Variants in FAM241A observed in about 807,000 individuals in gnomAD.
FAM241A encodes the protein uncharacterized protein FAM241A.
FAM241A carries 7 observed loss-of-function variants against 12.2 expected under a neutral mutation model. The observed-to-expected ratio is 0.58, with a 90% CI of 0.33 to 1.08. The LOEUF (loss-of-function observed/expected upper bound fraction) is 1.08, where lower values mean the gene tolerates loss of function less well. Among genes scored for constraint, FAM241A ranks in the 50% least tolerant of loss-of-function variants. The pLI is 0.04. For synonymous variants in FAM241A, 74 were observed against 68.2 expected (o/e 1.08, Z -0.42); for missense variants, 161 against 169.7 (o/e 0.95, Z 0.29).
chr4:112,181,736 C>T (rs528342109), intron 1 of FAM241A, among the ~76,000 whole-genome samples: 6 of 152,284 alleles, frequency 3.9e-5, no homozygotes, highest in African/African-American at 9.6e-5. Context: ...ATCCCTGTGG[C>T]GAGCAAGAGC....
intron 1 of FAM241A, among the ~76,000 whole-genome samples, chr4:112,160,801 A>G (rs2110424220): frequency 6.6e-6 from 1 of 152,298 alleles, no homozygotes; most frequent in African/African-American, 2.4e-5. Flanking sequence ...AATATACACT[A>G]GGGAAAAGAC....
rs548775542 is a variant in FAM241A at position 112,180,016 on chromosome 4, G to A, written c.154-6677G>A. Among the ~76,000 whole-genome samples the A allele has an allele frequency of 0.02, 227 of 11,086 alleles. 1 individual carries two copies. The African/African-American group carries it at 0.21, about 10-fold the overall frequency. The allele number at this position is 11,086 out of a possible 152,430, so 7.3% of individuals were successfully genotyped here. A position where few individuals can be genotyped will look rare whatever the true frequency, so the allele number is the denominator to read the frequency against. ...TATATATATTATGTAATACTGCACAGCCCTAAAAAAAAAACAGTCATATCC... is the reference window on the plus strand; with the variant it reads ...TATATATATTATGTAATACTGCACAACCCTAAAAAAAAAACAGTCATATCC... On this transcript the variant is annotated intron_variant, in intron 1 of 1. Transcript: ENST00000309733.
chr4:112,153,529 G>A (rs1266939008), intron 1 of FAM241A, among the ~76,000 whole-genome samples: 1 of 152,180 alleles, frequency 6.6e-6, no homozygotes, highest in Non-Finnish European at 1.5e-5. Flanking sequence ...GTGTTTATGT[G>A]TGTTTGAGAG....
chr4:112,177,922 T>C (rs1052679551), intron 1 of FAM241A, among the ~76,000 whole-genome samples: 1 of 152,160 alleles, frequency 6.6e-6, no homozygotes, highest in Non-Finnish European at 1.5e-5. Flanking sequence ...TACATTTAAG[T>C]TTTCTTTGTT....
intron 1 of FAM241A, chr4:112,171,436 A>G: frequency 1.3e-6 from 1 of 775,376 alleles, no homozygotes; most frequent in Non-Finnish European, 2.4e-6. Flanking sequence ...TGTTGAGCCA[A>G]CTGCAGATCT....
chr4:112,153,863 T>G lies in FAM241A; in HGVS notation c.153+8130T>G, dbSNP rs1578369721. The stretch of plus-strand genomic sequence containing the variant: ...AAAATTATCATTAATACTTAATATC[T>G]AAACATAATGTTAAGAAAGTTAAAT... On this transcript the variant is annotated intron_variant, in intron 1 of 1. Transcript: ENST00000309733. 2.0e-5 allele frequency among the ~76,000 whole-genome samples: 3 copies of G among 152,402 alleles called. No individual in the cohort carries two copies. In the East Asian group the frequency reaches 5.8e-4, roughly 29 times the overall value.
intron 1 of FAM241A, among the ~76,000 whole-genome samples, chr4:112,147,131 A>G (rs1249731026): frequency 1.3e-5 from 2 of 152,272 alleles, no homozygotes; most frequent in Non-Finnish European, 2.9e-5. Context: ...CTTCATTAGT[A>G]TGATTATGTA....
chr4:112,148,622 G>GT (rs964428266), intron 1 of FAM241A, among the ~76,000 whole-genome samples: 5 of 152,144 alleles, frequency 3.3e-5, no homozygotes, highest in African/African-American at 1.2e-4. Flanking sequence ...ATAGGATCAG[G>GT]TGTCTAAAGA....
chr4:112,150,048 A>G (rs1294651998), intron 1 of FAM241A, among the ~76,000 whole-genome samples: 3 of 151,996 alleles, frequency 2.0e-5, no homozygotes, highest in Admixed American at 6.5e-5. Context: ...TAATCTTACA[A>G]TCAGTTAAAT....
intron 1 of FAM241A, among the ~76,000 whole-genome samples, chr4:112,161,728 G>A (rs1215584815): frequency 6.6e-6 from 1 of 152,126 alleles, no homozygotes; most frequent in African/African-American, 2.4e-5. Flanking sequence ...TCTACCAGAG[G>A]TACAAAGAGG....
chr4:112,151,399 CTCT>C (rs1578368984), intron 1 of FAM241A, among the ~76,000 whole-genome samples: 1 of 152,284 alleles, frequency 6.6e-6, no homozygotes, highest in Admixed American at 6.5e-5. Flanking sequence ...AAATAAACCT[CTCT>C]TCTTTATAAA....
At chr4:112,146,048 C>T (rs1408733375) in intron 1 of FAM241A, among the ~76,000 whole-genome samples, 1 of 152,178 alleles carries the variant, frequency 6.6e-6, no homozygotes, top group African/African-American at 2.4e-5. Context: ...GAAATGCCCT[C>T]CATAGCGGTG....
rs942257425 is a variant in FAM241A at position 112,187,718 on chromosome 4, T to C, written c.*780T>C. Reference sequence around the variant, plus strand: ...CACCCTATGGTAATGCCATATTTTCTTGTATCTAACAAGTTGCATATTTTT... The same window carrying C: ...CACCCTATGGTAATGCCATATTTTCCTGTATCTAACAAGTTGCATATTTTT... On this transcript the variant is annotated 3_prime_UTR_variant, in exon 2 of 2. Transcript: ENST00000309733. The C allele has an allele frequency of 1.3e-5, 2 of 152,588 alleles. No individual in the cohort carries two copies. Among genetic ancestry groups the C allele is most frequent in the African/African-American group, 4.8e-5 (2 of 41,462 alleles). The allele number at this position is 152,588 out of a possible 1,614,324, so 9.5% of individuals were successfully genotyped here.
chr4:112,145,558 G>A lies in FAM241A; in HGVS notation c.-23G>A. On this transcript the variant is annotated 5_prime_UTR_variant, in exon 1 of 2. Transcript: ENST00000309733. ...GGCGTGGTCCTCCGGCGGCTGTCCG[G>A]GGCGGTAGGAGTTGGCTGCGGGATG... 8.0e-7 allele frequency: 1 copy of A among 1,244,682 alleles called. No homozygotes were observed. The highest frequency in any genetic ancestry group is 1.5e-5 in the African/African-American group (1 of 64,916). 77.1% of individuals were successfully genotyped at this position (1,244,682 alleles called of 1,614,324 possible).
rs1724200502 is a variant in FAM241A, at chr4:112,193,188, G to A, written c.*6250G>A. On this transcript the variant is annotated 3_prime_UTR_variant, in exon 2 of 2. Transcript: ENST00000309733. ...TCATGTCCTTTGCCCACTTTTTGAT[G>A]GGGTTGTTTGTTTTTTTCTTGTAAA... The A allele has an allele frequency of 6.6e-6, 1 of 150,890 alleles. No individual in the cohort carries two copies. The highest frequency in any genetic ancestry group is 6.6e-5 in the Admixed American group (1 of 15,178). 9.3% of individuals were successfully genotyped at this position (150,890 alleles called of 1,614,324 possible). A position where few individuals can be genotyped will look rare whatever the true frequency, so the allele number is the denominator to read the frequency against.
At chr4:112,175,472 A>C (rs2110431614) in intron 1 of FAM241A, among the ~76,000 whole-genome samples, 1 of 152,312 alleles carries the variant, frequency 6.6e-6, no homozygotes, top group East Asian at 1.9e-4. Context: ...CGTTCCCAAG[A>C]AAATGAAATG....
At position 112,145,563 on chromosome 4, in the gene FAM241A, G is replaced by C; in HGVS notation, c.-18G>C. On this transcript the variant is annotated 5_prime_UTR_variant, in exon 1 of 2. Transcript: ENST00000309733. The stretch of plus-strand genomic sequence containing the variant: ...GGTCCTCCGGCGGCTGTCCGGGGCG[G>C]TAGGAGTTGGCTGCGGGATGTGCTC... The C allele has an allele frequency of 8.0e-7, 1 of 1,246,352 alleles. No homozygotes were observed. Among genetic ancestry groups the C allele is most frequent in the Non-Finnish European group, 1.0e-6 (1 of 993,818 alleles). The allele number at this position is 1,246,352 out of a possible 1,614,324, so 77.2% of individuals were successfully genotyped here.
chr4:112,145,557 G>C lies in FAM241A; in HGVS notation c.-24G>C, dbSNP rs1226540631. The C allele has an allele frequency of 8.0e-7, 1 of 1,243,916 alleles. No homozygotes were observed. Among genetic ancestry groups the C allele is most frequent in the Non-Finnish European group, 1.0e-6 (1 of 992,516 alleles). 77.1% of individuals were successfully genotyped at this position (1,243,916 alleles called of 1,614,324 possible). ...CGGCGTGGTCCTCCGGCGGCTGTCC[G>C]GGGCGGTAGGAGTTGGCTGCGGGAT... On this transcript the variant is annotated 5_prime_UTR_variant, in exon 1 of 2. Transcript: ENST00000309733.
intron 1 of FAM241A, among the ~76,000 whole-genome samples, chr4:112,167,467 A>G (rs755902261): frequency 6.6e-6 from 1 of 152,196 alleles, no homozygotes; most frequent in African/African-American, 2.4e-5. Flanking sequence ...TTTAGAGCAG[A>G]TGGTTATGAA....
Sources: gnomAD v4.1 joint callset for allele counts (sites outside exome capture counted in the v4.1 genomes callset) on GRCh38, gnomAD v4.1.1 for gene constraint, MANE v1.5 for transcripts, NCBI Gene and HGNC (gene_info 2026-07-23, HGNC 2026-07-21) for gene names.